The following COL24A1 variants were observed in gnomAD, a reference collection of about 807,000 sequenced individuals.
COL24A1 encodes the protein collagen alpha-1(XXIV) chain.
In COL24A1, 224 loss-of-function variants were observed where a neutral mutation model predicts 253.9. That is an observed-to-expected ratio of 0.88 (90% CI 0.79 to 0.99). COL24A1 has a LOEUF of 0.99. COL24A1 is among the 50% of genes least tolerant of loss of function. COL24A1 has a pLI of 0.00. For missense variants in COL24A1, 2,131 were observed against 2,068.5 expected, an observed-to-expected ratio of 1.03 and a Z score of -0.59; for synonymous variants, 685 against 673.7, an observed-to-expected ratio of 1.02 and a Z score of -0.26.
intron 25 of COL24A1, 63 bp downstream of exon 25, chr1:85,911,317 G>A: frequency 8.0e-7 from 1 of 1,249,656 alleles, no homozygotes; most frequent in Non-Finnish European, 1.2e-6. Context: ...TCATATGAAA[G>A]TCTGCCTTTT....
At chr1:85,891,676 T>C (rs1208846875) in intron 31 of COL24A1, among the ~76,000 whole-genome samples, 2 of 152,196 alleles carry the variant, frequency 1.3e-5, no homozygotes, top group African/African-American at 4.8e-5. Context: ...AGGATCATTA[T>C]AAGGAATCTC....
At chr1:85,732,651 TTTAC>T (rs10602010) in intron 59 of COL24A1, among the ~76,000 whole-genome samples, 10,557 of 152,230 alleles carry the variant, frequency 0.069, 416 homozygotes, top group Middle Eastern at 0.088. Flanking sequence ...TTATGCTAAT[TTTAC>T]TTACTTGCGA....
intron 24 of COL24A1, among the ~76,000 whole-genome samples, chr1:85,932,670 AAG>A (rs899673798): frequency 3.2e-5 from 3 of 93,250 alleles, no homozygotes; most frequent in Non-Finnish European, 6.2e-5. Flanking sequence ...CACAATAGCA[AAG>A]ACTTGGAACC....
chr1:85,887,973 A>T (rs1003401178), intron 32 of COL24A1, among the ~76,000 whole-genome samples: 7 of 152,178 alleles, frequency 4.6e-5, no homozygotes, highest in Non-Finnish European at 1.0e-4. Flanking sequence ...TTTCTCAAAG[A>T]CACCTGAAAT....
chr1:85,802,103 T>C (rs112930000), intron 47 of COL24A1, among the ~76,000 whole-genome samples: 77 of 152,350 alleles, frequency 5.1e-4, no homozygotes, highest in Admixed American at 5.2e-4. Flanking sequence ...AGTAGTCTTA[T>C]TAGTCTTCTG....
intron 7 of COL24A1, among the ~76,000 whole-genome samples, chr1:86,067,692 T>C (rs192611507): frequency 8.5e-5 from 13 of 152,342 alleles, no homozygotes; most frequent in African/African-American, 2.4e-4. Flanking sequence ...TCCACTATTA[T>C]ATAAAGACTT....
At position 86,156,688 on chromosome 1, in the gene COL24A1, C is replaced by A; in HGVS notation, c.-292G>T. ...GGAGGTAAACCTCACTGGGAGGCCT[C>A]GGGGCGCCGGCGGCAGCGGGAGCCG... On this transcript the variant is annotated 5_prime_UTR_variant, in exon 1 of 60. Transcript: ENST00000370571. 3.7e-6 allele frequency: 1 copy of A among 270,236 alleles called. No homozygotes were observed. The highest frequency in any genetic ancestry group is 6.9e-6 in the Non-Finnish European group (1 of 144,698). 16.7% of individuals were successfully genotyped at this position (270,236 alleles called of 1,614,324 possible). A position where few individuals can be genotyped will look rare whatever the true frequency, so the allele number is the denominator to read the frequency against.
intron 47 of COL24A1, among the ~76,000 whole-genome samples, chr1:85,792,066 C>T (rs964525240): frequency 2.0e-5 from 3 of 152,048 alleles, no homozygotes; most frequent in African/African-American, 7.2e-5. Flanking sequence ...ATTTTGTGAA[C>T]AGTTTCTCTC....
chr1:85,927,063 T>C (rs895035203), intron 24 of COL24A1, among the ~76,000 whole-genome samples: 1 of 152,074 alleles, frequency 6.6e-6, no homozygotes, highest in Non-Finnish European at 1.5e-5. Flanking sequence ...AGAATGTGTG[T>C]AGGGGGAGGA....
chr1:86,022,629 C>T (rs1391185299), intron 16 of COL24A1, 38 bp from the exon 17 acceptor site: 4 of 1,577,908 alleles, frequency 2.5e-6, no homozygotes, highest in Non-Finnish European at 3.5e-6. Context: ...ACTTATGTAT[C>T]ACAAACATGG....
At chr1:85,922,402 T>A (rs1052397090) in intron 24 of COL24A1, among the ~76,000 whole-genome samples, 3 of 152,102 alleles carry the variant, frequency 2.0e-5, no homozygotes, top group Non-Finnish European at 2.9e-5. Context: ...GAAAAAATGT[T>A]AAGGGCAGCC....
At chr1:85,916,627 A>G (rs554703565) in intron 24 of COL24A1, among the ~76,000 whole-genome samples, 1 of 152,270 alleles carries the variant, frequency 6.6e-6, no homozygotes, top group Admixed American at 6.5e-5. Context: ...TCAAGGTTGC[A>G]GTAAGCCTGA....
At chr1:86,154,661 C>G (rs928847517) in intron 1 of COL24A1, 1 of 152,710 alleles carries the variant, frequency 6.5e-6, no homozygotes, top group African/African-American at 2.4e-5. Flanking sequence ...AAGTGTAAAC[C>G]AGACAAGACA....
chr1:85,952,074 A>G (rs1689989958), intron 24 of COL24A1, among the ~76,000 whole-genome samples: 1 of 152,196 alleles, frequency 6.6e-6, no homozygotes, highest in African/African-American at 2.4e-5. Flanking sequence ...TAAACAGAAG[A>G]TAGAGTCCAA....
At chr1:85,773,270 C>T (rs533233588) in intron 53 of COL24A1, among the ~76,000 whole-genome samples, 4 of 152,058 alleles carry the variant, frequency 2.6e-5, no homozygotes, top group African/African-American at 9.6e-5. Flanking sequence ...TTGGTTACTA[C>T]CGTCTTGCAG....
At chr1:85,995,556 G>T (rs1694705364) in intron 19 of COL24A1, among the ~76,000 whole-genome samples, 1 of 152,204 alleles carries the variant, frequency 6.6e-6, no homozygotes, top group Non-Finnish European at 1.5e-5. Flanking sequence ...GTGACAAAAA[G>T]CAGATCCCCC....
intron 7 of COL24A1, among the ~76,000 whole-genome samples, chr1:86,076,813 C>G (rs7528367): frequency 1.4e-3 from 214 of 152,302 alleles, no homozygotes; most frequent in African/African-American, 4.9e-3. Flanking sequence ...AAACCAGACC[C>G]CTTCCTTACA....
In COL24A1 at chr1:86,156,725, C is replaced by T. The variant is rs1653678985; in HGVS notation, c.-329G>A. On this transcript the variant is annotated 5_prime_UTR_variant, in exon 1 of 60. Transcript: ENST00000370571. ...GGCAGCGGGAGCCGGGCTGCTAGTGCAGCACTCAAGTTCACTTGCGGTTCA... is the reference window on the plus strand; with the variant it reads ...GGCAGCGGGAGCCGGGCTGCTAGTGTAGCACTCAAGTTCACTTGCGGTTCA... 1 of 226,026 alleles carries T rather than the reference C, an allele frequency of 4.4e-6. No homozygotes were observed. The highest frequency in any genetic ancestry group is 8.5e-6 in the Non-Finnish European group (1 of 116,964). 14.0% of individuals were successfully genotyped at this position (226,026 alleles called of 1,614,324 possible). A position where few individuals can be genotyped will look rare whatever the true frequency, so the allele number is the denominator to read the frequency against.
intron 43 of COL24A1, among the ~76,000 whole-genome samples, chr1:85,835,057 A>G (rs1026349838): frequency 2.0e-4 from 31 of 152,256 alleles, no homozygotes; most frequent in African/African-American, 7.0e-4. Context: ...TGTAATATCC[A>G]TGGCCCCTAG....
Sources: gnomAD v4.1 joint callset for allele counts (sites outside exome capture counted in the v4.1 genomes callset) on GRCh38, gnomAD v4.1.1 for gene constraint, MANE v1.5 for transcripts, NCBI Gene and HGNC (gene_info 2026-07-23, HGNC 2026-07-21) for gene names.